Variants in GCNT2 observed in about 807,000 individuals in gnomAD.
GCNT2 encodes the protein N-acetyllactosaminide beta-1,6-N-acetylglucosaminyl-transferase.
A neutral mutation model predicts 34.2 loss-of-function variants in GCNT2; 34 were observed. That is an observed-to-expected ratio of 1.00 (90% CI 0.76 to 1.32). The LOEUF is 1.32. GCNT2 is among the 40% of genes most tolerant of loss of function. The pLI is 0.00. For synonymous variants in GCNT2, 212 were observed against 188.0 expected (o/e 1.13, Z -1.04); for missense variants, 584 against 489.4 (o/e 1.19, Z -1.82).
intron 3 of GCNT2, among the ~76,000 whole-genome samples, chr6:10,587,701 T>C (rs1239459516): frequency 6.6e-6 from 1 of 152,224 alleles, no homozygotes; most frequent in African/African-American, 2.4e-5. Context: ...AGGCAGAAGA[T>C]AGCACCAAGC....
intron 3 of GCNT2, chr6:10,555,842 A>G (rs1463800332): frequency 1.0e-6 from 1 of 985,396 alleles, no homozygotes; most frequent in Non-Finnish European, 1.2e-6. Context: ...AGCACGTTGG[A>G]AAACAGAAGC....
chr6:10,554,065 C>T (rs1156389322), intron 3 of GCNT2, among the ~76,000 whole-genome samples: 1 of 152,188 alleles, frequency 6.6e-6, no homozygotes. Context: ...GCATGGCTGG[C>T]TAGTGTCAAC....
intron 3 of GCNT2, among the ~76,000 whole-genome samples, chr6:10,610,277 G>A (rs887440868): frequency 2.0e-5 from 3 of 152,200 alleles, no homozygotes; most frequent in South Asian, 2.1e-4. Context: ...TAGGTTAATC[G>A]TGAAGGTGAA....
At chr6:10,548,519 T>A (rs1482297197) in intron 3 of GCNT2, among the ~76,000 whole-genome samples, 1 of 152,244 alleles carries the variant, frequency 6.6e-6, no homozygotes, top group Admixed American at 6.5e-5. Context: ...CATACTTTCC[T>A]GGTACCCTCT....
At chr6:10,569,876 T>TC (rs1491545653) in intron 3 of GCNT2, among the ~76,000 whole-genome samples, 3 of 143,336 alleles carry the variant, frequency 2.1e-5, no homozygotes, top group African/African-American at 8.7e-5. Context: ...TTTCTTTCTT[T>TC]CTCTTTCTTT....
chr6:10,598,162 A>G (rs890583316), intron 3 of GCNT2, among the ~76,000 whole-genome samples: 1 of 152,220 alleles, frequency 6.6e-6, no homozygotes, highest in African/African-American at 2.4e-5. Flanking sequence ...CAGTGAAAAA[A>G]GCAGAAGTAT....
chr6:10,571,475 C>T (rs988271858), intron 3 of GCNT2, among the ~76,000 whole-genome samples: 2 of 152,130 alleles, frequency 1.3e-5, no homozygotes, highest in Non-Finnish European at 2.9e-5. Flanking sequence ...GCCTCAGCCT[C>T]CCGAGTAACT....
chr6:10,521,754 T>C (rs1760926097), intron 1 of GCNT2, among the ~76,000 whole-genome samples: 1 of 152,010 alleles, frequency 6.6e-6, no homozygotes, highest in African/African-American at 2.4e-5. Context: ...ATCATTAGTA[T>C]CCTTCTGTAT....
chr6:10,582,498 AAT>A (rs1286551641), intron 3 of GCNT2, among the ~76,000 whole-genome samples: 1 of 122,740 alleles, frequency 8.1e-6, no homozygotes, highest in Non-Finnish European at 1.6e-5. Context: ...TATAATATAT[AAT>A]ATAATACATC....
chr6:10,610,615 T>C (rs549343789), intron 3 of GCNT2, among the ~76,000 whole-genome samples: 2 of 152,322 alleles, frequency 1.3e-5, no homozygotes, highest in Non-Finnish European at 2.9e-5. Context: ...CTACTGAAGA[T>C]ATTAATAAAT....
chr6:10,555,828 AAACAG>A (rs1762674532), intron 3 of GCNT2: 1 of 985,410 alleles, frequency 1.0e-6, no homozygotes, highest in African/African-American at 1.7e-5. Context: ...ACGTTTCCTG[AAACAG>A]CACGTTGGAA....
In GCNT2 at chr6:10,529,089, C is replaced by G. The variant is rs745638306; in HGVS notation, c.178C>G (p.Pro60Ala). The G allele has an allele frequency of 6.2e-7, 1 of 1,614,002 alleles. No individual in the cohort carries two copies. The highest frequency in any genetic ancestry group is 8.5e-7 in the Non-Finnish European group (1 of 1,179,996). ...GATTTTTGAGGGGAAAGTTTTTTAC[C>G]CAACAGAAAATGCATTGAAAACTAC... ...HQIFEGKVFYPTENALKTTLD... is the reference protein window; with the variant it reads ...HQIFEGKVFYATENALKTTLD... Residue 60 changes from proline (P) to alanine (A), a missense_variant, in exon 3 of 5, where the codon CCA becomes GCA. Physicochemically the swap from Pro to Ala is conservative, Grantham distance 27. Transcript: ENST00000495262.
rs564300384 is a variant in GCNT2 at position 10,557,178 on chromosome 6, C to A, written c.925+27342C>A. 4.9e-5 allele frequency: 76 copies of A among 1,550,624 alleles called. No individual in the cohort carries two copies. In the South Asian group the frequency reaches 8.4e-4, roughly 17 times the overall value. ...AGAACAACAGCGTTGAAACCGCCTC[C>A]CCCCCATAATCTCACAATTTACTTT... On this transcript the variant is annotated intron_variant, in intron 3 of 4. Transcript: ENST00000495262.
chr6:10,561,420 C>G (rs1203289420), intron 3 of GCNT2, among the ~76,000 whole-genome samples: 1 of 152,230 alleles, frequency 6.6e-6, no homozygotes, highest in Admixed American at 6.5e-5. Flanking sequence ...CCTTGGCCTC[C>G]CAGAGTGCTG....
At chr6:10,620,075 C>T (rs932329740) in intron 3 of GCNT2, among the ~76,000 whole-genome samples, 2 of 152,232 alleles carry the variant, frequency 1.3e-5, no homozygotes, top group African/African-American at 2.4e-5. Context: ...TGATCAGCAA[C>T]TTTAATCTCC....
chr6:10,524,735 A>C (rs1454519114), intron 1 of GCNT2, among the ~76,000 whole-genome samples: 1 of 152,024 alleles, frequency 6.6e-6, no homozygotes, highest in Admixed American at 6.6e-5. Context: ...AGGCTGAGGC[A>C]GGAGAATCAC....
intron 3 of GCNT2, among the ~76,000 whole-genome samples, chr6:10,567,826 G>C (rs1763355885): frequency 6.6e-6 from 1 of 152,206 alleles, no homozygotes; most frequent in African/African-American, 2.4e-5. Context: ...TTATCATGGA[G>C]TTTTGACTTT....
chr6:10,542,233 T>G (rs1762066707), intron 3 of GCNT2, among the ~76,000 whole-genome samples: 2 of 152,198 alleles, frequency 1.3e-5, no homozygotes, highest in Non-Finnish European at 2.9e-5. Flanking sequence ...TGCCCCAGTT[T>G]TAGGCACCAT....
At chr6:10,535,197 G>A (rs1761701695) in intron 3 of GCNT2, among the ~76,000 whole-genome samples, 1 of 151,986 alleles carries the variant, frequency 6.6e-6, no homozygotes, top group African/African-American at 2.4e-5. Context: ...AACAAAAACA[G>A]ACAAAAACAT....
Sources: gnomAD v4.1 joint callset for allele counts (sites outside exome capture counted in the v4.1 genomes callset) on GRCh38, gnomAD v4.1.1 for gene constraint, MANE v1.5 for transcripts, NCBI Gene and HGNC (gene_info 2026-07-23, HGNC 2026-07-21) for gene names.